Variants in L2HGDH observed in about 807,000 individuals in gnomAD.
L2HGDH encodes the protein L-2-hydroxyglutarate dehydrogenase.
Under a neutral mutation model 51.5 loss-of-function variants are expected in L2HGDH, and 34 were observed. The ratio of observed to expected loss-of-function variants is 0.66; its 90% CI spans 0.50 to 0.88. The LOEUF (loss-of-function observed/expected upper bound fraction) is 0.88. Ranked by LOEUF, L2HGDH falls within the 40% of genes least tolerant of loss-of-function variation. The pLI, the probability that L2HGDH is intolerant of heterozygous loss-of-function variation, is 0.00. For missense variants in L2HGDH, 558 were observed against 571.9 expected (o/e 0.98, Z 0.25); for synonymous variants, 198 against 197.9 (o/e 1.00, Z -0.01).
chr14:50,311,379 G>A (rs1226214983), intron 1 of L2HGDH: 5 of 455,852 alleles, frequency 1.1e-5, no homozygotes, highest in Admixed American at 2.4e-5. Context: ...CCTTCTAGTC[G>A]TCAAAATAGC....
At chr14:50,310,355 T>C (rs552053396) in intron 1 of L2HGDH, among the ~76,000 whole-genome samples, 156 of 152,146 alleles carry the variant, frequency 1.0e-3, no homozygotes, top group Non-Finnish European at 1.7e-3. Context: ...CAGGCCTGAG[T>C]CACCACGCTT....
intron 4 of L2HGDH, among the ~76,000 whole-genome samples, chr14:50,292,832 C>T (rs993156759): frequency 4.6e-5 from 7 of 152,046 alleles, no homozygotes; most frequent in African/African-American, 1.7e-4. Flanking sequence ...TTGCAGTAAG[C>T]CGAGATGGTG....
At chr14:50,263,774 CT>C (rs11458897) in intron 9 of L2HGDH, among the ~76,000 whole-genome samples, 175 of 137,222 alleles carry the variant, frequency 1.3e-3, no homozygotes, top group Admixed American at 1.4e-3. Flanking sequence ...AGCCTTTTAT[CT>C]TTTTTTTTTT....
intron 4 of L2HGDH, among the ~76,000 whole-genome samples, chr14:50,289,734 T>C (rs569271847): frequency 5.8e-4 from 89 of 152,354 alleles, no homozygotes; most frequent in African/African-American, 2.0e-3. Context: ...GAATGCCTTA[T>C]ACATAGTATT....
chr14:50,300,376 C>T (rs2030337173), intron 3 of L2HGDH, among the ~76,000 whole-genome samples: 1 of 152,128 alleles, frequency 6.6e-6, no homozygotes, highest in African/African-American at 2.4e-5. Context: ...CTCACTGCAA[C>T]CTCTGCCTCC....
rs1159196558 is a variant in L2HGDH at position 50,245,176 on chromosome 14, T to C, written c.*1882A>G. The C allele has an allele frequency of 1.0e-6, 1 of 985,438 alleles. No homozygotes were observed. Among genetic ancestry groups the C allele is most frequent in the Non-Finnish European group, 1.2e-6 (1 of 829,922 alleles). 61.0% of individuals were successfully genotyped at this position (985,438 alleles called of 1,614,324 possible). On this transcript the variant is annotated 3_prime_UTR_variant, in exon 10 of 10. Transcript: ENST00000267436. ...ATGGAAAAATATCCCTATACAAGTT[T>C]ATAGGAGCCCTGAAAAATCAAGTAC... is the stretch of plus-strand genomic sequence containing the variant.
chr14:50,280,574 T>G (rs1595108184), intron 5 of L2HGDH, among the ~76,000 whole-genome samples: 2 of 152,206 alleles, frequency 1.3e-5, no homozygotes, highest in Non-Finnish European at 2.9e-5. Flanking sequence ...TGACTACGTT[T>G]GCCATTTAGA....
chr14:50,246,946 C>G lies in L2HGDH; in HGVS notation c.*112G>C, dbSNP rs936113632. The G allele has an allele frequency of 2.4e-5, 34 of 1,415,262 alleles. No homozygotes were observed. The highest frequency in any genetic ancestry group is 1.4e-5 in the African/African-American group (1 of 69,228). The allele number at this position is 1,415,262 out of a possible 1,614,324, so 87.7% of individuals were successfully genotyped here. On this transcript the variant is annotated 3_prime_UTR_variant, in exon 10 of 10. Coordinates refer to ENST00000267436, the MANE Select transcript of L2HGDH (RefSeq NM_024884.3). ...ATCATTTTAACAATGCAGTGGTTATCTTTGACCTAAAAACTAAAGTTTAAA... is the reference window on the plus strand; with the variant it reads ...ATCATTTTAACAATGCAGTGGTTATGTTTGACCTAAAAACTAAAGTTTAAA...
At chr14:50,293,257 A>G (rs1047589937) in intron 4 of L2HGDH, 1 of 702,232 alleles carries the variant, frequency 1.4e-6, no homozygotes, top group African/African-American at 1.7e-5. Flanking sequence ...TGGTTTTTTG[A>G]TAAGTGATGC....
chr14:50,302,881 C>G (rs1331024524), intron 2 of L2HGDH, 21 bp downstream of exon 2: 1 of 1,509,318 alleles, frequency 6.6e-7, no homozygotes, highest in South Asian at 1.1e-5. Flanking sequence ...GCCCAAAGAA[C>G]AACATTGATT....
At chr14:50,269,782 T>C (rs898432329) in intron 6 of L2HGDH, among the ~76,000 whole-genome samples, 2 of 152,054 alleles carry the variant, frequency 1.3e-5, no homozygotes, top group African/African-American at 4.8e-5. Flanking sequence ...AAATTCAATA[T>C]ACCAATCACA....
intron 5 of L2HGDH, 74 bp from the exon 6 acceptor site, chr14:50,278,628 C>G (rs1295394185): frequency 3.7e-6 from 3 of 804,794 alleles, no homozygotes; most frequent in Non-Finnish European, 4.2e-6. Flanking sequence ...ATACTAGAAA[C>G]AAACTTAAAT....
At chr14:50,300,544 C>T (rs926115825) in intron 3 of L2HGDH, among the ~76,000 whole-genome samples, 3 of 152,154 alleles carry the variant, frequency 2.0e-5, no homozygotes, top group African/African-American at 4.8e-5. Flanking sequence ...ATCTGCCTGC[C>T]TCAGCCTCCC....
intron 9 of L2HGDH, among the ~76,000 whole-genome samples, chr14:50,262,582 C>T (rs1277825207): frequency 1.3e-5 from 2 of 151,814 alleles, no homozygotes; most frequent in Non-Finnish European, 2.9e-5. Context: ...CTCTGTAGAA[C>T]TCTCAAGATC....
At chr14:50,311,290 C>T in intron 1 of L2HGDH, 1 of 454,098 alleles carries the variant, frequency 2.2e-6, no homozygotes, top group Admixed American at 2.4e-5. Context: ...AAACTAAAAA[C>T]CTTGCTGTGA....
At chr14:50,258,835 A>C (rs1045093871) in intron 9 of L2HGDH, among the ~76,000 whole-genome samples, 11 of 150,532 alleles carry the variant, frequency 7.3e-5, no homozygotes, top group Non-Finnish European at 1.3e-4. Flanking sequence ...GTATTTTATA[A>C]TTTTTTATTT....
At chr14:50,267,555 CATTTTTTT>C (rs1224305835) in intron 8 of L2HGDH, among the ~76,000 whole-genome samples, 190 bp downstream of exon 8, 1 of 150,940 alleles carries the variant, frequency 6.6e-6, no homozygotes, top group East Asian at 1.9e-4. Context: ...TTCCAAAAGG[CATTTTTTT>C]TTTTGTTTGT....
At chr14:50,295,593 T>A (rs1223069910) in intron 3 of L2HGDH, among the ~76,000 whole-genome samples, 10 of 144,808 alleles carry the variant, frequency 6.9e-5, no homozygotes, top group Non-Finnish European at 1.5e-4. Flanking sequence ...TTTTTTTTTT[T>A]TTTTTTTTAG....
intron 4 of L2HGDH, among the ~76,000 whole-genome samples, chr14:50,288,713 G>A (rs1348599317): frequency 6.6e-6 from 1 of 152,232 alleles, no homozygotes; most frequent in Admixed American, 6.5e-5. Flanking sequence ...TTACAGGCGT[G>A]AGCCACTGTG....
Sources: gnomAD v4.1 joint callset for allele counts (sites outside exome capture counted in the v4.1 genomes callset) on GRCh38, gnomAD v4.1.1 for gene constraint, MANE v1.5 for transcripts, NCBI Gene and HGNC (gene_info 2026-07-23, HGNC 2026-07-21) for gene names.